Variants in ZNF3 observed in about 807,000 individuals in gnomAD.
ZNF3 encodes C2-H2 type zinc finger protein.
Under a neutral mutation model 36.9 loss-of-function variants are expected in ZNF3, and 16 were observed. The ratio of observed to expected loss-of-function variants is 0.43; its 90% CI spans 0.29 to 0.66. The LOEUF (loss-of-function observed/expected upper bound fraction) is 0.66, where lower values mean the gene tolerates loss of function less well. Among genes scored for constraint, ZNF3 ranks in the 30% least tolerant of loss-of-function variants. ZNF3 has a pLI of 0.13. For synonymous variants in ZNF3, 201 were observed against 201.9 expected (o/e 1.00, Z 0.04); for missense variants, 462 against 543.1 (o/e 0.85, Z 1.48).
chr7:100,068,997 T>A (rs4272301), downstream of ZNF3, among the ~76,000 whole-genome samples: 84,968 of 146,626 alleles, frequency 0.58, 24,364 homozygotes, highest in East Asian at 0.86. Flanking sequence ...ATATATATAA[T>A]TTTTTTTTTT....
At chr7:100,076,519 C>T (rs1281972644) in intron 3 of ZNF3, among the ~76,000 whole-genome samples, 1 of 151,788 alleles carries the variant, frequency 6.6e-6, no homozygotes, top group Admixed American at 6.6e-5. Context: ...GTCTCAATTT[C>T]CTGACCTTGT....
chr7:100,072,780 G>A (rs888865457), intron 5 of ZNF3, among the ~76,000 whole-genome samples: 3 of 152,172 alleles, frequency 2.0e-5, no homozygotes, highest in African/African-American at 4.8e-5. Context: ...CCGCCTCTGG[G>A]CCCTATGCAT....
chr7:100,073,471 C>A (rs986423105), intron 5 of ZNF3, among the ~76,000 whole-genome samples: 8 of 152,132 alleles, frequency 5.3e-5, no homozygotes, highest in Admixed American at 2.0e-4. Flanking sequence ...GCCTCAGCCT[C>A]CCAAGTAGCT....
intron 5 of ZNF3, among the ~76,000 whole-genome samples, chr7:100,074,760 G>A (rs774007080): frequency 2.4e-4 from 37 of 152,164 alleles, no homozygotes; most frequent in Non-Finnish European, 4.7e-4. Context: ...TAGGCCAGGT[G>A]CAGTGGCTCA....
Position 100,075,599 on chromosome 7 carries a change from G to T in ZNF3, c.87C>A (p.Asp29Glu). 6.2e-7 allele frequency: 1 copy of T among 1,614,142 alleles called. No homozygotes were observed. Among genetic ancestry groups the T allele is most frequent in the Non-Finnish European group, 8.5e-7 (1 of 1,180,016 alleles). The change falls in exon 4 of 6, where the codon GAC becomes GAA. Residue 29 changes from aspartate (D) to glutamate (E), a missense_variant. Asp to Glu is a conservative substitution (Grantham distance 45). Transcript: ENST00000299667. ...ACATCTCATCCCCCAGGCTGTCCTT[G>T]TCGGAAAAGGCAGGAACTTTTGAAG... is the stretch of plus-strand genomic sequence containing the variant. Reference protein sequence around the residue: ...ALPSKVPAFSDKDSLGDEMLA... With the variant: ...ALPSKVPAFSEKDSLGDEMLA...
chr7:100,080,518 A>G (rs1231252255), intron 1 of ZNF3, among the ~76,000 whole-genome samples: 2 of 151,842 alleles, frequency 1.3e-5, no homozygotes, highest in African/African-American at 4.8e-5. Flanking sequence ...TTAAAAGGAA[A>G]AAAAAAAAAA....
At chr7:100,073,011 A>T (rs941765811) in intron 5 of ZNF3, among the ~76,000 whole-genome samples, 6 of 152,206 alleles carry the variant, frequency 3.9e-5, no homozygotes, top group African/African-American at 1.4e-4. Flanking sequence ...CTGAAGAGGT[A>T]CCTCTTAGGA....
chr7:100,064,787 C>T (rs758765218), exon 6 of ZNF3: 2 of 1,614,108 alleles, frequency 1.2e-6, no homozygotes, highest in South Asian at 1.1e-5. Context: ...GCAGGAGGTC[C>T]TCAGAAGGTG....
Position 100,064,339 on chromosome 7 carries a change from C to T in ZNF3, c.*449G>A, listed in dbSNP as rs765932988. ...CAGCCTCATTCGTCACTATCGGATC[C>T]ACACTGGGGAGAAGCCTTATCAGTG... On this transcript the variant is annotated 3_prime_UTR_variant, in exon 6 of 6. Coordinates refer to the ZNF3 transcript ENST00000413658. 1.7e-5 allele frequency: 28 copies of T among 1,613,602 alleles called. No individual in the cohort carries two copies. The highest frequency in any genetic ancestry group is 2.4e-5 in the Non-Finnish European group (28 of 1,179,892).
At chr7:100,076,292 C>T (rs1057494458) in intron 3 of ZNF3, among the ~76,000 whole-genome samples, 4 of 145,812 alleles carry the variant, frequency 2.7e-5, no homozygotes, top group Admixed American at 1.4e-4. Context: ...TTCTGCAATT[C>T]TTTTTTTTTT....
In ZNF3 at chr7:100,075,246, C is replaced by A; in HGVS notation, c.160G>T (p.Glu54Ter). ...KAKSQELVTF[E>*]DVAVYFIRKE... ...CGGATGAAGTACACAGCTACATCCTCAAAGGTTACCAGCTCCTGAAACAAC... is the reference window on the plus strand; with the variant it reads ...CGGATGAAGTACACAGCTACATCCTAAAAGGTTACCAGCTCCTGAAACAAC... Residue 54 changes from glutamate (E) to a stop codon, truncating the protein, a stop_gained, in exon 5 of 6, where the codon GAG (glutamate) becomes TAG (stop). Coordinates refer to ENST00000299667, the MANE Select transcript of ZNF3 (RefSeq NM_032924.5). LOFTEE classifies it high-confidence loss of function. The A allele has an allele frequency of 6.2e-7, 1 of 1,614,110 alleles. No homozygotes were observed. The highest frequency in any genetic ancestry group is 1.1e-5 in the South Asian group (1 of 91,068).
intron 5 of ZNF3, chr7:100,064,952 CAT>C: frequency 6.2e-7 from 1 of 1,606,664 alleles, no homozygotes; most frequent in Non-Finnish European, 8.5e-7. Context: ...TAATTTTTAA[CAT>C]ATATTCAAGA....
chr7:100,072,278 AG>A, intron 5 of ZNF3, 66 bp from the exon 6 acceptor site: 1 of 1,391,594 alleles, frequency 7.2e-7, no homozygotes, highest in Non-Finnish European at 9.7e-7. Context: ...ATCACAGGAC[AG>A]GATCATTGTA....
chr7:100,065,008 T>C (rs948525061), downstream of ZNF3: 1 of 1,485,006 alleles, frequency 6.7e-7, no homozygotes, highest in East Asian at 2.4e-5. Flanking sequence ...CACAATTGAA[T>C]GAGATTCAGA....
chr7:100,073,029 G>A (rs1793470355), intron 5 of ZNF3, among the ~76,000 whole-genome samples: 1 of 152,174 alleles, frequency 6.6e-6, no homozygotes, highest in Non-Finnish European at 1.5e-5. Flanking sequence ...GGACCTCTCT[G>A]CTCTCAGTTC....
chr7:100,071,838 T>G lies in ZNF3; in HGVS notation c.646A>C (p.Ile216Leu), dbSNP rs748926793. 1.2e-6 allele frequency: 2 copies of G among 1,613,956 alleles called. No homozygotes were observed. The highest frequency in any genetic ancestry group is 2.2e-5 in the East Asian group (1 of 44,886). The change falls in exon 6 of 6, where the codon ATT (isoleucine) becomes CTT (leucine). Residue 216 changes from isoleucine (I) to leucine (L), a missense_variant. Coordinates refer to ENST00000299667, the MANE Select transcript of ZNF3 (RefSeq NM_032924.5). ...CCAGTGTGGATTCTCTGATGTTGAA[T>G]AAGGTCTGAAGTTCGATTAAAGCTC... ...SKSFNRTSDL[I>L]QHQRIHTGEK...
rs1325703037 is a variant in ZNF3, at chr7:100,072,190, A to G, written c.294T>C (p.Asn98=). 6.3e-6 allele frequency: 10 copies of G among 1,595,202 alleles called. No individual in the cohort carries two copies. The highest frequency in any genetic ancestry group is 5.5e-5 in the Admixed American group (3 of 54,476). The change falls in exon 6 of 6, where the codon AAT becomes AAC. Residue 98 remains asparagine, a synonymous_variant. Transcript: ENST00000299667. The part of the protein sequence containing the change: ...FSLDRETRTE[N]DQEISEDTRS... ...TTGTGTCTTCAGAAATTTCTTGATC[A>G]TTTTCAGTCCTGGTCTCACGATCTG...
chr7:100,070,167 T>TC lies in ZNF3; in HGVS notation c.*975_*976insG, dbSNP rs1290913412. ...TGGGCTTCGTTTTTTTGTTTTTTTG[T>TC]TTTTTTTTTCTCCCTTTTGGGCTTT... On this transcript the variant is annotated 3_prime_UTR_variant, in exon 6 of 6. Transcript: ENST00000299667. 6 of 854,984 alleles carry TC rather than the reference T, an allele frequency of 7.0e-6. No individual in the cohort carries two copies. The highest frequency in any genetic ancestry group is 4.0e-6 in the Non-Finnish European group (3 of 749,454). 53.0% of individuals were successfully genotyped at this position (854,984 alleles called of 1,614,324 possible).
chr7:100,075,510 A>G (rs1264070476), intron 4 of ZNF3, 32 bp downstream of exon 4: 2 of 1,612,820 alleles, frequency 1.2e-6, no homozygotes, highest in East Asian at 2.2e-5. Context: ...CAGAAAATGG[A>G]AAGGAAAAGG....
Sources: allele counts gnomAD v4.1 joint callset (sites outside exome capture counted in the v4.1 genomes callset), GRCh38; gene constraint gnomAD v4.1.1; transcripts MANE v1.5; gene names NCBI Gene and HGNC (gene_info 2026-07-23, HGNC 2026-07-21).